EBF4: variants seen among roughly 807,000 people sequenced by gnomAD.
The protein encoded by EBF4 is transcription factor COE4.
EBF4 carries 34 observed loss-of-function variants against 67.1 expected under a neutral mutation model. The ratio of observed to expected loss-of-function variants is 0.51; its 90% CI spans 0.39 to 0.67. The LOEUF is 0.67. EBF4 is among the 30% of genes least tolerant of loss of function. The pLI, the probability that EBF4 is intolerant of heterozygous loss-of-function variation, is 0.00. For synonymous variants in EBF4, 387 were observed against 377.7 expected (o/e 1.02, Z -0.29); for missense variants, 837 against 873.3 (o/e 0.96, Z 0.52).
chr20:2,721,079 G>A (rs1044090568), intron 6 of EBF4, among the ~76,000 whole-genome samples: 1 of 151,976 alleles, frequency 6.6e-6, no homozygotes, highest in Admixed American at 6.5e-5. Flanking sequence ...CTTGTGCTTA[G>A]GGTACATTGA....
At chr20:2,730,863 C>T (rs1220538724) in intron 6 of EBF4, among the ~76,000 whole-genome samples, 2 of 152,012 alleles carry the variant, frequency 1.3e-5, no homozygotes, top group African/African-American at 4.8e-5. Flanking sequence ...ATCATAAAGC[C>T]CATCTCATTT....
At chr20:2,703,596 C>G (rs923140632) in intron 1 of EBF4, among the ~76,000 whole-genome samples, 1 of 151,412 alleles carries the variant, frequency 6.6e-6, no homozygotes, top group South Asian at 2.1e-4. Flanking sequence ...GTTAGTAGGT[C>G]GAAGCTGCAG....
In EBF4 at chr20:2,754,979, C is replaced by CGG. The variant is rs1555789843; in HGVS notation, c.1541-648_1541-647insGG. On this transcript the variant is annotated intron_variant, in intron 14 of 16. Coordinates refer to ENST00000609451, the Ensembl canonical transcript of EBF4. ...GGAGATTCAGGAGACCACCCCCCCC[C>CGG]ACAGGGCCCAGGCTGGAGATGACAA... 3.1e-4 allele frequency: 39 copies of CGG among 124,012 alleles called. 2 individuals are homozygous for CGG. Among genetic ancestry groups the CGG allele is most frequent in the African/African-American group, 9.5e-4 (33 of 34,662 alleles). 7.7% of individuals were successfully genotyped at this position (124,012 alleles called of 1,614,324 possible).
At position 2,738,117 on chromosome 20, in the gene EBF4, T is replaced by C. The variant is rs1361638440; in HGVS notation, c.558-10432T>C. 9.2e-5 allele frequency among the ~76,000 whole-genome samples: 14 copies of C among 152,274 alleles called. No individual in the cohort carries two copies. In the East Asian group the frequency reaches 2.7e-3, roughly 29 times the overall value. ...CTCACTTAATCTTCTGTCTGTTCTC[T>C]CTGCCCTGGGTGCTTGGTGAATTGT... On this transcript the variant is annotated intron_variant, in intron 6 of 16. Coordinates refer to ENST00000609451, the Ensembl canonical transcript of EBF4.
At chr20:2,711,408 T>G (rs1344796004) in intron 6 of EBF4, among the ~76,000 whole-genome samples, 1 of 152,216 alleles carries the variant, frequency 6.6e-6, no homozygotes, top group Non-Finnish European at 1.5e-5. Flanking sequence ...TTAAAAATGC[T>G]GCAGTGAATT....
intron 6 of EBF4, among the ~76,000 whole-genome samples, chr20:2,716,100 A>G (rs565763132): frequency 2.5e-4 from 38 of 151,848 alleles, no homozygotes; most frequent in African/African-American, 4.8e-4. Context: ...GCTCATGCCT[A>G]TAGTCCCAGT....
At position 2,751,868 on chromosome 20, in the gene EBF4, T is replaced by C. The variant is rs1015946954; in HGVS notation, c.1108-54T>C. ...TGAGGAGGGGCTCCCGAGGGCCCCT[T>C]GGTCGCCCCCAGGGGCTGCCCCTCC... On this transcript the variant is annotated intron_variant, in intron 11 of 16. Transcript: ENST00000609451. This position sits in a 1 kb window ranked among gnomAD's most constrained non-coding sequence, Gnocchi z 5.2. 7 of 1,547,746 alleles carry C rather than the reference T, an allele frequency of 4.5e-6. No individual in the cohort carries two copies. The highest frequency in any genetic ancestry group is 1.4e-5 in the African/African-American group (1 of 72,966).
intron 6 of EBF4, among the ~76,000 whole-genome samples, chr20:2,729,245 T>C (rs1235073179): frequency 6.6e-6 from 1 of 152,032 alleles, no homozygotes; most frequent in Admixed American, 6.5e-5. Flanking sequence ...GAGCGCATTT[T>C]CGCAACAGTT....
intron 8 of EBF4, 40 bp downstream of exon 8, chr20:2,749,558 G>GC (rs2088105327): frequency 6.5e-7 from 1 of 1,538,348 alleles, no homozygotes; most frequent in South Asian, 1.2e-5. Context: ...CGCGGGCCCA[G>GC]CCAGCCCCCC....
At chr20:2,733,778 A>C (rs963137541) in intron 6 of EBF4, among the ~76,000 whole-genome samples, 6 of 151,722 alleles carry the variant, frequency 4.0e-5, no homozygotes, top group Admixed American at 1.3e-4. Context: ...GTCTTGAGCC[A>C]CACATAAAAT....
rs1190868020 is a variant in EBF4, at chr20:2,716,510, CAA to C, written c.557+6869_557+6870del. 2.2e-5 allele frequency among the ~76,000 whole-genome samples: 3 copies of C among 137,738 alleles called. No individual in the cohort carries two copies. In the Admixed American group the frequency reaches 2.2e-4, roughly 10 times the overall value. The allele number at this position is 137,738 out of a possible 152,430, so 90.4% of individuals were successfully genotyped here. On this transcript the variant is annotated intron_variant, in intron 6 of 16. Transcript: ENST00000609451. ...TGCCACTGCACTCCAGCCTGGGCGA[CAA>C]GAGTGAAACTCCGTCTCAAAAAAAA...
intron 14 of EBF4, 40 bp downstream of exon 14, chr20:2,752,585 G>A: frequency 8.2e-7 from 1 of 1,224,584 alleles, no homozygotes; most frequent in Non-Finnish European, 1.0e-6. Flanking sequence ...CTGGGGCCGG[G>A]GAGCGGAACG....
chr20:2,699,973 C>T (rs1304762663), intron 1 of EBF4, among the ~76,000 whole-genome samples: 1 of 152,194 alleles, frequency 6.6e-6, no homozygotes, highest in Non-Finnish European at 1.5e-5. Flanking sequence ...TAGCTGCTTC[C>T]CTTTGCTTGA....
exon 16 of EBF4, chr20:2,758,950 C>G: frequency 6.4e-7 from 1 of 1,551,788 alleles, no homozygotes; most frequent in African/African-American, 1.4e-5. Flanking sequence ...CTCTCCAGCC[C>G]GGGGGCTTCA....
At chr20:2,700,251 C>T (rs984863870) in intron 1 of EBF4, among the ~76,000 whole-genome samples, 1 of 152,062 alleles carries the variant, frequency 6.6e-6, no homozygotes, top group Admixed American at 6.6e-5. Flanking sequence ...TCACCCCCAA[C>T]CCCCAGTGTT....
chr20:2,752,284 C>A (rs911762392), intron 13 of EBF4, 21 bp downstream of exon 13: 13 of 1,220,992 alleles, frequency 1.1e-5, no homozygotes, highest in African/African-American at 4.8e-5. Context: ...CGCGCCTCCC[C>A]GCCGTCCTCG....
chr20:2,714,223 G>A (rs2146406448), intron 6 of EBF4, among the ~76,000 whole-genome samples: 1 of 152,286 alleles, frequency 6.6e-6, no homozygotes, highest in African/African-American at 2.4e-5. Context: ...AAGGCTATTT[G>A]TGTTTCCTTT....
chr20:2,753,296 T>C (rs1367128099), intron 14 of EBF4, among the ~76,000 whole-genome samples: 1 of 152,214 alleles, frequency 6.6e-6, no homozygotes, highest in East Asian at 1.9e-4. Flanking sequence ...ATCTGGCTTC[T>C]TAGAGTGGGG....
intron 6 of EBF4, among the ~76,000 whole-genome samples, chr20:2,743,375 C>G (rs1307157371): frequency 6.6e-6 from 1 of 152,222 alleles, no homozygotes; most frequent in African/African-American, 2.4e-5. Context: ...CAACGGAAGT[C>G]CTCTAATTCC....
Sources: gnomAD v4.1 joint callset for allele counts (sites outside exome capture counted in the v4.1 genomes callset) on GRCh38, gnomAD v4.1.1 for gene constraint, Gnocchi (gnomAD v3.1) non-coding constraint, MANE v1.5 for transcripts, NCBI Gene and HGNC (gene_info 2026-07-23, HGNC 2026-07-21) for gene names.